Variants in DTWD2 observed in about 807,000 individuals in gnomAD.
The protein encoded by DTWD2 is DTW motif tRNA-uridine aminocarboxypropyltransferase 2.
DTWD2 carries 39 observed loss-of-function variants against 31.8 expected under a neutral mutation model. The observed-to-expected ratio is 1.22, with a 90% confidence interval of 0.95 to 1.60. The LOEUF (loss-of-function observed/expected upper bound fraction) is 1.60. Ranked by LOEUF, DTWD2 falls within the 40% of genes most tolerant of loss-of-function variation. The probability of loss-of-function intolerance (pLI) is 0.00; values close to 1 mark genes in which losing one functional copy is unlikely to be tolerated. For synonymous variants in DTWD2, 180 were observed against 142.8 expected (o/e 1.26, Z -1.86); for missense variants, 515 against 381.5 (o/e 1.35, Z -2.92).
chr5:118,905,462 C>T (rs1422063611), intron 4 of DTWD2, among the ~76,000 whole-genome samples: 2 of 152,128 alleles, frequency 1.3e-5, no homozygotes, highest in African/African-American at 4.8e-5. Context: ...CATCATAAGT[C>T]TAGTATAGAA....
chr5:118,959,160 T>C (rs1229307423), intron 1 of DTWD2, among the ~76,000 whole-genome samples: 2 of 152,110 alleles, frequency 1.3e-5, no homozygotes, highest in South Asian at 2.1e-4. Context: ...AGTCAAACTA[T>C]CTCTGTTTGC....
chr5:118,899,850 G>A (rs2149564877), intron 4 of DTWD2, among the ~76,000 whole-genome samples: 1 of 140,310 alleles, frequency 7.1e-6, no homozygotes, highest in East Asian at 2.1e-4. Context: ...TGCCCGGGCT[G>A]GAGTACAGTG....
At chr5:118,841,901 T>A (rs1751723847) in intron 5 of DTWD2, among the ~76,000 whole-genome samples, 1 of 152,064 alleles carries the variant, frequency 6.6e-6, no homozygotes, top group Non-Finnish European at 1.5e-5. Flanking sequence ...ATTAAACAGA[T>A]TGTTAAAGGA....
chr5:118,946,291 T>G (rs1263145759), intron 1 of DTWD2, among the ~76,000 whole-genome samples: 1 of 152,112 alleles, frequency 6.6e-6, no homozygotes, highest in Non-Finnish European at 1.5e-5. Flanking sequence ...GGATTTCCTC[T>G]CAGGAATATG....
intron 1 of DTWD2, among the ~76,000 whole-genome samples, chr5:118,966,053 C>A (rs1331659184): frequency 6.6e-6 from 1 of 151,716 alleles, no homozygotes; most frequent in Non-Finnish European, 1.5e-5. Flanking sequence ...TATGCACATA[C>A]CACTATTTCT....
At chr5:118,863,462 T>C (rs1171804155) in intron 4 of DTWD2, among the ~76,000 whole-genome samples, 1 of 152,222 alleles carries the variant, frequency 6.6e-6, no homozygotes, top group Non-Finnish European at 1.5e-5. Flanking sequence ...GGAATACACA[T>C]TTCAAAGCAC....
chr5:118,933,972 A>C (rs1753980832), intron 3 of DTWD2, among the ~76,000 whole-genome samples: 1 of 151,412 alleles, frequency 6.6e-6, no homozygotes, highest in African/African-American at 2.4e-5. Flanking sequence ...ACAAGATATA[A>C]GGTTAATATA....
At chr5:118,928,906 T>G (rs1753865230) in intron 3 of DTWD2, among the ~76,000 whole-genome samples, 177 bp from the exon 4 acceptor site, 1 of 152,242 alleles carries the variant, frequency 6.6e-6, no homozygotes, top group African/African-American at 2.4e-5. Flanking sequence ...TACTCTCTAC[T>G]GATGTATTCA....
At chr5:118,864,977 C>T (rs897820936) in intron 4 of DTWD2, among the ~76,000 whole-genome samples, 2 of 152,052 alleles carry the variant, frequency 1.3e-5, no homozygotes, top group Non-Finnish European at 2.9e-5. Flanking sequence ...TTTTTGCCTA[C>T]AGAAAGTGTT....
At chr5:118,985,509 T>TACACACAC (rs1488614649) in intron 1 of DTWD2, among the ~76,000 whole-genome samples, 2 of 124,364 alleles carry the variant, frequency 1.6e-5, no homozygotes, top group Admixed American at 1.6e-4. Context: ...TATATATATA[T>TACACACAC]ATATATATAC....
intron 5 of DTWD2, among the ~76,000 whole-genome samples, chr5:118,846,485 C>T (rs2112672814): frequency 6.6e-6 from 1 of 152,224 alleles, no homozygotes; most frequent in South Asian, 2.1e-4. Flanking sequence ...AAATCTATAG[C>T]TAAGGAATAT....
intron 1 of DTWD2, among the ~76,000 whole-genome samples, chr5:118,971,423 A>C (rs2149598520): frequency 6.6e-6 from 1 of 152,362 alleles, no homozygotes; most frequent in Admixed American, 6.5e-5. Context: ...CAGTTCAACA[A>C]GGAGAGCTAA....
chr5:118,844,934 C>T (rs1471283978), intron 5 of DTWD2, among the ~76,000 whole-genome samples: 2 of 152,004 alleles, frequency 1.3e-5, no homozygotes, highest in Non-Finnish European at 2.9e-5. Context: ...CCTAGGAGTT[C>T]AAGACCAATC....
intron 4 of DTWD2, among the ~76,000 whole-genome samples, chr5:118,873,069 G>A (rs929283506): frequency 5.9e-5 from 9 of 152,178 alleles, no homozygotes; most frequent in Admixed American, 1.3e-4. Context: ...AAAAGGCAAG[G>A]AGCAATCTGC....
chr5:118,981,350 T>G (rs1755296270), intron 1 of DTWD2, among the ~76,000 whole-genome samples: 1 of 152,148 alleles, frequency 6.6e-6, no homozygotes, highest in Non-Finnish European at 1.5e-5. Flanking sequence ...AAATATTACG[T>G]TATGCAAATG....
intron 4 of DTWD2, among the ~76,000 whole-genome samples, chr5:118,875,516 A>G (rs1258591787): frequency 6.6e-6 from 1 of 151,560 alleles, no homozygotes; most frequent in Non-Finnish European, 1.5e-5. Context: ...AAATCTACCA[A>G]GCAAATAAAA....
chr5:118,927,173 C>T (rs1329883847), intron 4 of DTWD2, among the ~76,000 whole-genome samples: 6 of 151,798 alleles, frequency 4.0e-5, no homozygotes, highest in African/African-American at 1.5e-4. Flanking sequence ...CATGAGGGCT[C>T]TGCCTTCATA....
intron 1 of DTWD2, among the ~76,000 whole-genome samples, chr5:118,962,164 G>A (rs1188015122): frequency 1.3e-5 from 2 of 152,066 alleles, no homozygotes; most frequent in Non-Finnish European, 2.9e-5. Flanking sequence ...CTTGAACCTG[G>A]GAGGCAGAGA....
chr5:118,907,451 C>A (rs1437315328), intron 4 of DTWD2, among the ~76,000 whole-genome samples: 1 of 152,158 alleles, frequency 6.6e-6, no homozygotes, highest in Non-Finnish European at 1.5e-5. Context: ...ACCCAAGAGG[C>A]TGGGCATGGT....
Sources: allele counts gnomAD v4.1 joint callset (sites outside exome capture counted in the v4.1 genomes callset), GRCh38; gene constraint gnomAD v4.1.1; transcripts MANE v1.5; gene names NCBI Gene and HGNC (gene_info 2026-07-23, HGNC 2026-07-21).